RIPOR2: variants seen among roughly 807,000 people sequenced by gnomAD.
RIPOR2 encodes rho family-interacting cell polarization regulator 2.
Under a neutral mutation model 114.5 loss-of-function variants are expected in RIPOR2, and 39 were observed. That is an observed-to-expected ratio of 0.34 (90% CI 0.26 to 0.44). The LOEUF is 0.44. RIPOR2 is among the 20% of genes least tolerant of loss of function. The pLI is 1.00. For missense variants in RIPOR2, 1,007 were observed against 1,255.1 expected (o/e 0.80, Z 2.99); for synonymous variants, 445 against 484.4 (o/e 0.92, Z 1.07).
chr6:24,880,791 A>G (rs1766268108), intron 1 of RIPOR2, among the ~76,000 whole-genome samples: 2 of 152,222 alleles, frequency 1.3e-5, no homozygotes, highest in Admixed American at 1.3e-4. Context: ...TGAGCTATGT[A>G]ACAAGTTCAT....
intron 1 of RIPOR2, among the ~76,000 whole-genome samples, chr6:24,959,876 G>T (rs558814675): frequency 6.6e-6 from 1 of 152,116 alleles, no homozygotes. Context: ...ATTCTGGGGG[G>T]TCAATGTTAT....
intron 1 of RIPOR2, among the ~76,000 whole-genome samples, chr6:24,926,426 C>A (rs575982806): frequency 3.3e-4 from 51 of 152,288 alleles, no homozygotes; most frequent in African/African-American, 1.2e-3. Context: ...CAGGCGGAGA[C>A]CAGATTGATT....
intron 1 of RIPOR2, chr6:25,015,895 GGTTTTTTTTTTTT>G (rs1775960761): frequency 6.1e-5 from 1 of 16,450 alleles, no homozygotes; most frequent in Non-Finnish European, 1.2e-4. Context: ...CAGGTTTTTT[GGTTTTTTTTTTTT>G]TTTTTTTTTT....
intron 1 of RIPOR2, chr6:24,976,673 A>G (rs1029049480): frequency 1.9e-6 from 3 of 1,607,920 alleles, no homozygotes; most frequent in African/African-American, 2.7e-5. Context: ...TTTATGTGTC[A>G]GGGTGGTGAC....
At chr6:24,871,332 AT>A (rs1198742322) in intron 4 of RIPOR2, among the ~76,000 whole-genome samples, 2 of 152,218 alleles carry the variant, frequency 1.3e-5, no homozygotes, top group Non-Finnish European at 2.9e-5. Flanking sequence ...GTCTAAACAA[AT>A]AAAATTGATA....
chr6:24,958,174 C>T (rs1773131305), intron 1 of RIPOR2, among the ~76,000 whole-genome samples: 2 of 152,128 alleles, frequency 1.3e-5, no homozygotes, highest in South Asian at 2.1e-4. Context: ...CAATGAAACA[C>T]TATAGAACAC....
In RIPOR2 at chr6:25,032,450, C is replaced by T. The variant is rs2113759637; in HGVS notation, c.76+9401G>A. Among the ~76,000 whole-genome samples, 3 of 152,330 alleles carry T rather than the reference C, an allele frequency of 2.0e-5. No homozygotes were observed. The Middle Eastern group carries it at 0.01, about 518-fold the overall frequency. ...CCTCTCTGGTGCCTCAGAAACCAGGCACCCCTGGAGCCAACCCTTGATGGG... is the reference window on the plus strand; with the variant it reads ...CCTCTCTGGTGCCTCAGAAACCAGGTACCCCTGGAGCCAACCCTTGATGGG... On this transcript the variant is annotated intron_variant, in intron 1 of 13. Transcript: ENST00000510784.
intron 12 of RIPOR2, among the ~76,000 whole-genome samples, chr6:24,847,124 G>T (rs954805021): frequency 8.6e-5 from 13 of 151,586 alleles, no homozygotes; most frequent in African/African-American, 3.2e-4. Flanking sequence ...GCTAATTTTT[G>T]TATTTTTTAG....
intron 1 of RIPOR2, among the ~76,000 whole-genome samples, chr6:25,040,592 C>T (rs1430448508): frequency 7.3e-6 from 1 of 136,060 alleles, no homozygotes. Context: ...GTGTTTCTTG[C>T]TTTTTTTTTT....
At chr6:24,936,507 A>C (rs1348859887), upstream of RIPOR2, among the ~76,000 whole-genome samples, 1 of 152,184 alleles carries the variant, frequency 6.6e-6, no homozygotes, top group East Asian at 1.9e-4. Flanking sequence ...AAACTGAACC[A>C]TATCTAGGCT....
At chr6:24,840,801 G>C in intron 13 of RIPOR2, 1 of 1,534,522 alleles carries the variant, frequency 6.5e-7, no homozygotes, top group Non-Finnish European at 8.7e-7. Flanking sequence ...AGGGAGAAAA[G>C]AGAAAGCTTT....
chr6:24,880,048 A>G (rs1766205330), intron 1 of RIPOR2, among the ~76,000 whole-genome samples: 1 of 152,244 alleles, frequency 6.6e-6, no homozygotes, highest in Non-Finnish European at 1.5e-5. Flanking sequence ...GGGATGTAAA[A>G]TGGAATTAAA....
intron 1 of RIPOR2, among the ~76,000 whole-genome samples, chr6:24,973,872 C>T (rs1773909055): frequency 6.6e-6 from 1 of 152,076 alleles, no homozygotes; most frequent in South Asian, 2.1e-4. Context: ...CATATTCTTA[C>T]TTATAAGTGG....
intron 1 of RIPOR2, among the ~76,000 whole-genome samples, chr6:24,901,140 G>A (rs1768400748): frequency 6.6e-6 from 1 of 152,128 alleles, no homozygotes; most frequent in African/African-American, 2.4e-5. Flanking sequence ...TATGTGCCAG[G>A]CTTGGCCAGG....
intron 1 of RIPOR2, among the ~76,000 whole-genome samples, chr6:24,954,188 A>C (rs1772921760): frequency 6.6e-6 from 1 of 152,228 alleles, no homozygotes; most frequent in Non-Finnish European, 1.5e-5. Flanking sequence ...GAAGCACCTG[A>C]GGATGCTCAG....
intron 1 of RIPOR2, among the ~76,000 whole-genome samples, chr6:25,026,562 A>C (rs961955245): frequency 3.9e-5 from 6 of 152,216 alleles, no homozygotes; most frequent in African/African-American, 1.4e-4. Context: ...AGAAGGCAAT[A>C]CTTTGTTACC....
intron 1 of RIPOR2, among the ~76,000 whole-genome samples, chr6:24,944,998 C>A (rs932558243): frequency 1.3e-5 from 2 of 151,750 alleles, no homozygotes; most frequent in Admixed American, 6.6e-5. Flanking sequence ...TTCAAAATAG[C>A]TGAAAAGAAG....
chr6:24,987,429 C>T (rs1774578359), intron 1 of RIPOR2, among the ~76,000 whole-genome samples: 1 of 152,164 alleles, frequency 6.6e-6, no homozygotes, highest in African/African-American at 2.4e-5. Context: ...TGGAAAATTA[C>T]CTTGATGCAA....
At chr6:24,877,291 G>A in intron 1 of RIPOR2, 1 of 985,366 alleles carries the variant, frequency 1.0e-6, no homozygotes, top group Non-Finnish European at 1.2e-6. Flanking sequence ...GTTGCTGCAG[G>A]TTTTTAAATC....
Sources: gnomAD v4.1 joint callset for allele counts (sites outside exome capture counted in the v4.1 genomes callset) on GRCh38, gnomAD v4.1.1 for gene constraint, MANE v1.5 for transcripts, NCBI Gene and HGNC (gene_info 2026-07-23, HGNC 2026-07-21) for gene names.